LRP1B: variants seen among roughly 807,000 people sequenced by gnomAD.
LRP1B encodes the protein LDL receptor related protein 1B.
In LRP1B, 217 loss-of-function variants were observed where a neutral mutation model predicts 556.6. That is an observed-to-expected ratio of 0.39 (90% CI 0.35 to 0.44). LRP1B has a LOEUF of 0.44. Among genes scored for constraint, LRP1B ranks in the 20% least tolerant of loss-of-function variants. The probability of loss-of-function intolerance (pLI) is 1.00; values close to 1 mark genes in which losing one functional copy is unlikely to be tolerated. For missense variants in LRP1B, 5,053 were observed against 5,620.8 expected (o/e 0.90, Z 3.23); for synonymous variants, 2,047 against 1,865.8 (o/e 1.10, Z -2.50).
At chr2:141,418,218 T>C (rs564779220) in intron 3 of LRP1B, among the ~76,000 whole-genome samples, 1 of 152,294 alleles carries the variant, frequency 6.6e-6, no homozygotes, top group African/African-American at 2.4e-5. Context: ...GTTTCCTTGG[T>C]TGAAAAGCAG....
At chr2:141,081,651 C>T (rs1699925078) in intron 7 of LRP1B, among the ~76,000 whole-genome samples, 1 of 151,982 alleles carries the variant, frequency 6.6e-6, no homozygotes, top group Non-Finnish European at 1.5e-5. Flanking sequence ...GGAAAAATAG[C>T]TTGGTGAGTA....
At chr2:140,488,519 C>G (rs776031199) in intron 57 of LRP1B, among the ~76,000 whole-genome samples, 8 of 151,924 alleles carry the variant, frequency 5.3e-5, no homozygotes, top group Non-Finnish European at 1.2e-4. Context: ...GCAGTTCTCA[C>G]ATTTGATTCG....
intron 3 of LRP1B, among the ~76,000 whole-genome samples, chr2:141,359,895 T>C (rs1361503875): frequency 6.6e-6 from 1 of 151,796 alleles, no homozygotes; most frequent in Non-Finnish European, 1.5e-5. Context: ...GGTAGCCAAG[T>C]ATGCACAGAG....
chr2:140,950,831 T>TC (rs1387393145), intron 19 of LRP1B, among the ~76,000 whole-genome samples: 1 of 152,002 alleles, frequency 6.6e-6, no homozygotes, highest in Non-Finnish European at 1.5e-5. Flanking sequence ...AAGTTGTTTT[T>TC]TTTTTTTGAA....
intron 1 of LRP1B, among the ~76,000 whole-genome samples, chr2:142,085,817 C>T (rs1420548926): frequency 6.6e-6 from 1 of 152,144 alleles, no homozygotes; most frequent in Non-Finnish European, 1.5e-5. Context: ...AAATATAATA[C>T]TATGCATATA....
At chr2:141,817,805 T>C (rs973976727) in intron 1 of LRP1B, among the ~76,000 whole-genome samples, 10 of 152,110 alleles carry the variant, frequency 6.6e-5, no homozygotes, top group African/African-American at 1.9e-4. Flanking sequence ...CCTTAATAAA[T>C]TGCCTATTGA....
chr2:141,736,273 T>A (rs1013449418), intron 2 of LRP1B, among the ~76,000 whole-genome samples: 1 of 152,130 alleles, frequency 6.6e-6, no homozygotes, highest in African/African-American at 2.4e-5. Flanking sequence ...CTGGATGCTA[T>A]CATGGGTTGA....
At chr2:141,765,949 C>T (rs576428311) in intron 2 of LRP1B, among the ~76,000 whole-genome samples, 6 of 152,038 alleles carry the variant, frequency 3.9e-5, no homozygotes, top group East Asian at 1.9e-4. Context: ...TATGATGTAC[C>T]GAGTTAATGT....
In LRP1B at chr2:140,414,941, C is replaced by T. The variant is rs1462125714; in HGVS notation, c.10414+27563G>A. Among the ~76,000 whole-genome samples the T allele has an allele frequency of 5.9e-5, 9 of 152,094 alleles. No individual in the cohort carries two copies. The East Asian group carries it at 1.2e-3, about 20-fold the overall frequency. ...ATGGATGTGCAAATAGGAGATATAT[C>T]GCTAAATTCTTTTCCTAGCAGGGAA... is the stretch of plus-strand genomic sequence containing the variant. On this transcript the variant is annotated intron_variant, in intron 66 of 90. Transcript: ENST00000389484.
At chr2:141,176,616 G>A (rs1410762638) in intron 7 of LRP1B, among the ~76,000 whole-genome samples, 1 of 151,838 alleles carries the variant, frequency 6.6e-6, no homozygotes, top group Non-Finnish European at 1.5e-5. Flanking sequence ...GACTCAGATA[G>A]TTCTTTATAG....
intron 1 of LRP1B, among the ~76,000 whole-genome samples, chr2:141,963,462 C>G (rs1701464762): frequency 6.6e-6 from 1 of 151,616 alleles, no homozygotes; most frequent in African/African-American, 2.4e-5. Context: ...TAAATGTAAT[C>G]CAGCATATAA....
Position 141,342,016 on chromosome 2 carries a change from G to A in LRP1B, c.344-87375C>T, listed in dbSNP as rs185959777. ...TCCCAGCACTTTGGGAGGCCGAGGCGGGCGGATCACGAGGTCAGGAGATCA... is the reference window on the plus strand; with the variant it reads ...TCCCAGCACTTTGGGAGGCCGAGGCAGGCGGATCACGAGGTCAGGAGATCA... On this transcript the variant is annotated intron_variant, in intron 3 of 90. Coordinates refer to ENST00000389484, the MANE Select transcript of LRP1B (RefSeq NM_018557.3). Among the ~76,000 whole-genome samples the A allele has an allele frequency of 6.4e-3, 965 of 151,838 alleles. 5 individuals carry two copies. Among genetic ancestry groups the A allele is most frequent in the Non-Finnish European group, 0.011 (756 of 67,926 alleles).
chr2:141,808,594 C>T (rs1696236974), intron 2 of LRP1B, among the ~76,000 whole-genome samples: 1 of 152,098 alleles, frequency 6.6e-6, no homozygotes, highest in Non-Finnish European at 1.5e-5. Flanking sequence ...ATATAATTCA[C>T]ATGACATAAT....
intron 3 of LRP1B, among the ~76,000 whole-genome samples, chr2:141,346,300 G>C (rs1688256741): frequency 6.6e-6 from 1 of 152,030 alleles, no homozygotes; most frequent in African/African-American, 2.4e-5. Flanking sequence ...AACCCGTTGG[G>C]TGTTGGTATG....
Position 140,868,328 on chromosome 2 carries a change from T to C in LRP1B, c.4170-65A>G, listed in dbSNP as rs1199894378. 9.1e-6 allele frequency: 13 copies of C among 1,422,182 alleles called. No homozygotes were observed. In the African/African-American group the frequency reaches 1.9e-4, roughly 21 times the overall value. The allele number at this position is 1,422,182 out of a possible 1,614,324, so 88.1% of individuals were successfully genotyped here. On this transcript the variant is annotated intron_variant, in intron 25 of 90. Coordinates refer to ENST00000389484, the MANE Select transcript of LRP1B (RefSeq NM_018557.3). The stretch of plus-strand genomic sequence containing the variant: ...CAGTCATTCATTTCACAGATATTTA[T>C]TGAGTGCCTACCATATGCTAGGCAC...
chr2:140,542,704 G>A (rs7598849), intron 43 of LRP1B, among the ~76,000 whole-genome samples: 52,898 of 151,936 alleles, frequency 0.35, 10,187 homozygotes, highest in South Asian at 0.45. Flanking sequence ...CAGAAACAGA[G>A]CCCAGAGAAC....
At chr2:140,661,505 A>T (rs796787640) in intron 41 of LRP1B, among the ~76,000 whole-genome samples, 168 of 84,646 alleles carry the variant, frequency 2.0e-3, no homozygotes, top group African/African-American at 0.01. Context: ...ACAAATAATT[A>T]AAAAAAAAAA....
At chr2:141,462,984 C>G (rs1295681714) in intron 3 of LRP1B, among the ~76,000 whole-genome samples, 2 of 152,064 alleles carry the variant, frequency 1.3e-5, no homozygotes, top group African/African-American at 2.4e-5. Context: ...TTTTTCACAA[C>G]TGAATACAAT....
intron 41 of LRP1B, among the ~76,000 whole-genome samples, chr2:140,653,779 C>T (rs1297708950): frequency 6.6e-6 from 1 of 151,766 alleles, no homozygotes; most frequent in Non-Finnish European, 1.5e-5. Context: ...AATCCCAGAA[C>T]TTTGGGAGGC....
Sources: allele counts gnomAD v4.1 joint callset (sites outside exome capture counted in the v4.1 genomes callset), GRCh38; gene constraint gnomAD v4.1.1; transcripts MANE v1.5; gene names NCBI Gene and HGNC (gene_info 2026-07-23, HGNC 2026-07-21).